ADGRD1: variants seen among roughly 807,000 people sequenced by gnomAD.
ADGRD1 encodes G-protein coupled receptor 133.
A neutral mutation model predicts 113.4 loss-of-function variants in ADGRD1; 77 were observed. The ratio of observed to expected loss-of-function variants is 0.68; its 90% CI spans 0.57 to 0.82. The LOEUF is 0.82. Ranked by LOEUF, ADGRD1 falls within the 40% of genes least tolerant of loss-of-function variation. The probability of loss-of-function intolerance (pLI) is 0.00; values close to 1 mark genes in which losing one functional copy is unlikely to be tolerated. For synonymous variants in ADGRD1, 474 were observed against 475.0 expected (o/e 1.00, Z 0.03); for missense variants, 1,036 against 1,139.1 (o/e 0.91, Z 1.30).
At position 130,966,340 on chromosome 12, in the gene ADGRD1, G is replaced by T. The variant is rs570027166; in HGVS notation, c.104-123G>T. ...TTGAATTTTATTAAATATGCTTTCAGTATCTCCCACAGACATGGGATCCTT... is the reference window on the plus strand; with the variant it reads ...TTGAATTTTATTAAATATGCTTTCATTATCTCCCACAGACATGGGATCCTT... On this transcript the variant is annotated intron_variant, in intron 2 of 24. Coordinates refer to ENST00000261654, the MANE Select transcript of ADGRD1 (RefSeq NM_198827.5). The surrounding 1 kb of genome is among the most constrained non-coding windows in gnomAD (Gnocchi z 4.6). The T allele has an allele frequency of 6.4e-6, 4 of 620,262 alleles. No homozygotes were observed. Among genetic ancestry groups the T allele is most frequent in the Non-Finnish European group, 2.9e-6 (1 of 343,844 alleles). The allele number at this position is 620,262 out of a possible 1,614,324, so 38.4% of individuals were successfully genotyped here. A position where few individuals can be genotyped will look rare whatever the true frequency, so the allele number is the denominator to read the frequency against.
At chr12:131,005,668 T>C (rs4606517) in intron 11 of ADGRD1, among the ~76,000 whole-genome samples, 567 of 59,318 alleles carry the variant, frequency 9.6e-3, no homozygotes, top group African/African-American at 0.025. Context: ...TGAGCCTGGC[T>C]CTCCCTGCAG....
intron 8 of ADGRD1, among the ~76,000 whole-genome samples, chr12:130,995,929 C>T (rs12296678): frequency 0.032 from 4,806 of 151,506 alleles, 115 homozygotes; most frequent in African/African-American, 0.068. Context: ...CTGCGGCCTT[C>T]CGCAGTGTTT....
At chr12:131,045,907 C>A (rs1439802018) in intron 13 of ADGRD1, among the ~76,000 whole-genome samples, 1 of 151,478 alleles carries the variant, frequency 6.6e-6, no homozygotes, top group Non-Finnish European at 1.5e-5. Context: ...TGCTCCCTGC[C>A]TTGTCCATAT....
In ADGRD1 at chr12:131,139,072, G is replaced by A. The variant is rs957398940; in HGVS notation, c.2530-96G>A. On this transcript the variant is annotated intron_variant, in intron 24 of 24. Transcript: ENST00000261654. ...CTTTCCTCCCGCAGGGAGAATCCTC[G>A]GGCAGCTATGGGCCCAATGCTCCCC... The A allele has an allele frequency of 5.3e-5, 46 of 860,600 alleles. No homozygotes were observed. In the Middle Eastern group the frequency reaches 6.8e-4, roughly 13 times the overall value. The allele number at this position is 860,600 out of a possible 1,614,324, so 53.3% of individuals were successfully genotyped here.
At chr12:130,972,686 A>G (rs1224940200) in intron 4 of ADGRD1, among the ~76,000 whole-genome samples, 1 of 152,008 alleles carries the variant, frequency 6.6e-6, no homozygotes, top group East Asian at 1.9e-4. Flanking sequence ...GGAGAGTAAT[A>G]TGTGCTCCTT....
intron 13 of ADGRD1, among the ~76,000 whole-genome samples, chr12:131,016,232 G>C (rs1878556527): frequency 6.6e-6 from 1 of 152,248 alleles, no homozygotes; most frequent in African/African-American, 2.4e-5. Flanking sequence ...ATGCTAATCA[G>C]TAATCCCTTA....
chr12:130,966,810 T>C lies in ADGRD1; in HGVS notation c.187+264T>C. Reference sequence around the variant, plus strand: ...TTCAAAGCTTTTTTTTTTGTAGAGATGGGGTCTTGCTATGTTGCCAGGCTG... The same window carrying C: ...TTCAAAGCTTTTTTTTTTGTAGAGACGGGGTCTTGCTATGTTGCCAGGCTG... On this transcript the variant is annotated intron_variant, in intron 3 of 24. Coordinates refer to ENST00000261654, the MANE Select transcript of ADGRD1 (RefSeq NM_198827.5). The surrounding 1 kb of genome is among the most constrained non-coding windows in gnomAD (Gnocchi z 4.6). 6 of 428,752 alleles carry C rather than the reference T, an allele frequency of 1.4e-5. 1 individual carries two copies. The highest frequency in any genetic ancestry group is 8.7e-5 in the South Asian group (4 of 46,012). 26.6% of individuals were successfully genotyped at this position (428,752 alleles called of 1,614,324 possible).
intron 13 of ADGRD1, chr12:131,030,621 A>C (rs1197156010): frequency 6.6e-6 from 1 of 152,250 alleles, no homozygotes; most frequent in East Asian, 1.9e-4. Flanking sequence ...CTTCAGCTGC[A>C]CATCGGGGCA....
chr12:131,004,094 A>T (rs148841080), intron 10 of ADGRD1, 92 bp from the exon 11 acceptor site: 2 of 755,396 alleles, frequency 2.6e-6, no homozygotes, highest in East Asian at 5.3e-5. Context: ...TTGTCCTGTC[A>T]AAAAAGAAAA....
chr12:130,982,076 A>T lies in ADGRD1; in HGVS notation c.490+13A>T, dbSNP rs1454588956. 6.8e-6 allele frequency: 11 copies of T among 1,610,382 alleles called. No homozygotes were observed. In the Admixed American group the frequency reaches 1.8e-4, roughly 27 times the overall value. On this transcript the variant is annotated intron_variant, in intron 5 of 24. Coordinates refer to ENST00000261654, the MANE Select transcript of ADGRD1 (RefSeq NM_198827.5). Reference sequence around the variant, plus strand: ...TTCAGCCCCCCAGGTGAGTGACAGCATCGGTCCCGGGAGGCTCTGCCTGGA... The same window carrying T: ...TTCAGCCCCCCAGGTGAGTGACAGCTTCGGTCCCGGGAGGCTCTGCCTGGA...
intron 23 of ADGRD1, 78 bp downstream of exon 23, chr12:131,137,092 C>T (rs950435095): frequency 5.1e-5 from 58 of 1,147,408 alleles, no homozygotes; most frequent in Admixed American, 1.5e-4. Context: ...GCAGGAACAG[C>T]GCTGCCCTGT....
chr12:130,968,306 T>C (rs1395495998), intron 3 of ADGRD1: 1 of 152,362 alleles, frequency 6.6e-6, no homozygotes, highest in Non-Finnish European at 1.5e-5. Context: ...CACTAATATA[T>C]CCGTGTTAGT....
Position 130,966,594 on chromosome 12 carries a change from G to T in ADGRD1, c.187+48G>T. On this transcript the variant is annotated intron_variant, in intron 3 of 24. Transcript: ENST00000261654. The surrounding 1 kb of genome is among the most constrained non-coding windows in gnomAD (Gnocchi z 4.6). Reference sequence around the variant, plus strand: ...CGGCTGTGGGCGCGGGAATCCCAGGGCCATCAGGAGGCGTGGGTGCTGAGA... The same window carrying T: ...CGGCTGTGGGCGCGGGAATCCCAGGTCCATCAGGAGGCGTGGGTGCTGAGA... The T allele has an allele frequency of 1.7e-6, 2 of 1,156,454 alleles. No homozygotes were observed. The highest frequency in any genetic ancestry group is 3.0e-5 in the African/African-American group (2 of 66,186). 71.6% of individuals were successfully genotyped at this position (1,156,454 alleles called of 1,614,324 possible). A position where few individuals can be genotyped will look rare whatever the true frequency, so the allele number is the denominator to read the frequency against.
In ADGRD1 at chr12:130,971,642, C is replaced by T; in HGVS notation, c.310+62C>T. The stretch of plus-strand genomic sequence containing the variant: ...TTTCATTCTCAGGGAGCACCTGCTC[C>T]TCTGGTGACTGGAAGATGTGAACCT... On this transcript the variant is annotated intron_variant, in intron 4 of 24. Transcript: ENST00000261654. This position sits in a 1 kb window ranked among gnomAD's most constrained non-coding sequence, Gnocchi z 4.2. The T allele has an allele frequency of 6.6e-7, 1 of 1,522,144 alleles. No individual in the cohort carries two copies. Among genetic ancestry groups the T allele is most frequent in the Middle Eastern group, 2.2e-4 (1 of 4,622 alleles). The allele number at this position is 1,522,144 out of a possible 1,614,324, so 94.3% of individuals were successfully genotyped here.
chr12:131,011,276 G>T (rs1022332921), intron 12 of ADGRD1, among the ~76,000 whole-genome samples: 1 of 151,088 alleles, frequency 6.6e-6, no homozygotes, highest in Non-Finnish European at 1.5e-5. Context: ...TGACTTGGCC[G>T]ACATCTGGCG....
intron 12 of ADGRD1, among the ~76,000 whole-genome samples, chr12:131,007,070 C>T (rs182605732): frequency 1.2e-3 from 181 of 152,340 alleles, no homozygotes; most frequent in African/African-American, 3.5e-3. Flanking sequence ...TGTGAGGTGT[C>T]GCTGTGTCTT....
At chr12:131,103,462 C>G (rs1950143901) in intron 15 of ADGRD1, among the ~76,000 whole-genome samples, 2 of 152,270 alleles carry the variant, frequency 1.3e-5, no homozygotes, top group African/African-American at 4.8e-5. Context: ...TCTGTAGCCC[C>G]TCGGGCGTGA....
chr12:131,114,266 T>A (rs1950412134), intron 18 of ADGRD1, among the ~76,000 whole-genome samples: 1 of 152,204 alleles, frequency 6.6e-6, no homozygotes, highest in Non-Finnish European at 1.5e-5. Context: ...TGAGGGATTT[T>A]ACACAAGATT....
chr12:131,131,670 C>T (rs1950931617), intron 20 of ADGRD1, 55 bp from the exon 21 acceptor site: 5 of 1,283,540 alleles, frequency 3.9e-6, no homozygotes, highest in African/African-American at 1.5e-5. Flanking sequence ...GGACGCAGCT[C>T]TCCTGCAGGT....
Sources: gnomAD v4.1 joint callset for allele counts (sites outside exome capture counted in the v4.1 genomes callset) on GRCh38, gnomAD v4.1.1 for gene constraint, Gnocchi (gnomAD v3.1) non-coding constraint, MANE v1.5 for transcripts, NCBI Gene and HGNC (gene_info 2026-07-23, HGNC 2026-07-21) for gene names.